Variants in KLF2 observed in about 807,000 individuals in gnomAD.
KLF2 encodes KLF transcription factor 2, also known as Krueppel-like factor 2.
A neutral mutation model predicts 22.2 loss-of-function variants in KLF2; 9 were observed. The observed-to-expected ratio is 0.40, with a 90% CI of 0.24 to 0.71. The LOEUF is 0.71. Ranked by LOEUF, KLF2 falls within the 30% of genes least tolerant of loss-of-function variation. KLF2 has a pLI of 0.35. For missense variants in KLF2, 481 were observed against 542.1 expected (o/e 0.89, Z 1.12); for synonymous variants, 299 against 264.2 (o/e 1.13, Z -1.28).
Position 16,326,022 on chromosome 19 carries a change from C to T in KLF2, c.882C>T (p.Arg294=), listed in dbSNP as rs901041465. ...TKSSHLKAHL[R]THTGEKPYHC... is the part of the protein sequence containing the mutation. ...GTTCGCATCTGAAGGCGCATCTGCG[C>T]ACGCACACAGGTGGGCGGCACGCAC... Residue 294 remains arginine, a synonymous_variant, in exon 2 of 3, where the codon CGC becomes CGT. Coordinates refer to ENST00000248071, the MANE Select transcript of KLF2 (RefSeq NM_016270.4). The T allele has an allele frequency of 3.2e-6, 5 of 1,549,560 alleles. No homozygotes were observed. Among genetic ancestry groups the T allele is most frequent in the Non-Finnish European group, 4.4e-6 (5 of 1,148,358 alleles).
At position 16,327,413 on chromosome 19, in the gene KLF2, A is replaced by C. The variant is rs2091893643; in HGVS notation, c.*382A>C. On this transcript the variant is annotated 3_prime_UTR_variant, in exon 3 of 3. Coordinates refer to ENST00000248071, the MANE Select transcript of KLF2 (RefSeq NM_016270.4). Reference sequence around the variant, plus strand: ...TAATATTGTATATAGTGACTGACAAATATTGTATTACTGTACATAGAGAGA... The same window carrying C: ...TAATATTGTATATAGTGACTGACAACTATTGTATTACTGTACATAGAGAGA... 1.7e-5 allele frequency: 3 copies of C among 173,384 alleles called. No individual in the cohort carries two copies. The South Asian group carries it at 4.5e-4, about 26-fold the overall frequency. The allele number at this position is 173,384 out of a possible 1,614,324, so 10.7% of individuals were successfully genotyped here. A position where few individuals can be genotyped will look rare whatever the true frequency, so the allele number is the denominator to read the frequency against.
At chr19:16,326,429 G>T (rs550298696) in intron 2 of KLF2, among the ~76,000 whole-genome samples, 19 of 152,194 alleles carry the variant, frequency 1.2e-4, no homozygotes, top group African/African-American at 4.3e-4. Context: ...GGCTCAGGTA[G>T]TTGGGGAGTA....
At position 16,327,774 on chromosome 19, in the gene KLF2, C is replaced by T. The variant is rs1230667298; in HGVS notation, c.*743C>T. ...GTTATTTTAAGGTTGTTCTTTGAGC[C>T]ATAAATTGCCTCTTTGCCCCACAGC... On this transcript the variant is annotated 3_prime_UTR_variant, in exon 3 of 3. Transcript: ENST00000248071. 1 of 151,800 alleles carries T rather than the reference C, an allele frequency of 6.6e-6. No homozygotes were observed. The highest frequency in any genetic ancestry group is 1.5e-5 in the Non-Finnish European group (1 of 67,970). The allele number at this position is 151,800 out of a possible 1,614,324, so 9.4% of individuals were successfully genotyped here.
Position 16,324,870 on chromosome 19 carries a change from G to C in KLF2, c.-54G>C, listed in dbSNP as rs934542805. On this transcript the variant is annotated 5_prime_UTR_variant, in exon 1 of 3. Coordinates refer to ENST00000248071, the MANE Select transcript of KLF2 (RefSeq NM_016270.4). ...CCCGCGCCCCGACCAGCCCGGCCTCGGGCAGCCACTCACCGGTGTCCCCGT... is the reference window on the plus strand; with the variant it reads ...CCCGCGCCCCGACCAGCCCGGCCTCCGGCAGCCACTCACCGGTGTCCCCGT... The C allele has an allele frequency of 1.0e-5, 15 of 1,461,212 alleles. No individual in the cohort carries two copies. The highest frequency in any genetic ancestry group is 1.3e-5 in the Non-Finnish European group (14 of 1,071,864). 90.5% of individuals were successfully genotyped at this position (1,461,212 alleles called of 1,614,324 possible).
At chr19:16,326,142 C>T (rs1348603334) in intron 2 of KLF2, 110 bp downstream of exon 2, 2 of 1,106,630 alleles carry the variant, frequency 1.8e-6, no homozygotes, top group East Asian at 3.1e-5. Flanking sequence ...GGGCGTGGCT[C>T]AGGGGGATCT....
In KLF2 at chr19:16,327,870, T is replaced by C. The variant is rs956645764; in HGVS notation, c.*839T>C. The stretch of plus-strand genomic sequence containing the variant: ...AAAAATAAAACTACTTACCTCTTCC[T>C]GGAAGCCTCTGAGGTTTTAGCCAAA... On this transcript the variant is annotated 3_prime_UTR_variant, in exon 3 of 3. Transcript: ENST00000248071. 1.3e-5 allele frequency: 2 copies of C among 151,890 alleles called. No homozygotes were observed. The highest frequency in any genetic ancestry group is 6.6e-5 in the Admixed American group (1 of 15,254). 9.4% of individuals were successfully genotyped at this position (151,890 alleles called of 1,614,324 possible). A position where few individuals can be genotyped will look rare whatever the true frequency, so the allele number is the denominator to read the frequency against.
chr19:16,326,157 G>A (rs940001438), intron 2 of KLF2, 125 bp downstream of exon 2: 23 of 956,280 alleles, frequency 2.4e-5, no homozygotes, highest in Non-Finnish European at 3.3e-5. Context: ...GGATCTGGCA[G>A]GTGGTGCACG....
At position 16,325,305 on chromosome 19, in the gene KLF2, C is replaced by T. The variant is rs982550376; in HGVS notation, c.165C>T (p.Gly55=). The change falls in exon 2 of 3, where the codon GGC becomes GGT. Residue 55 remains glycine (G), a synonymous_variant. Coordinates refer to ENST00000248071, the MANE Select transcript of KLF2 (RefSeq NM_016270.4). ...TCATCCTGTCCATGGGGCTGGATGG[C>T]CTGGGCGCCGAGGCCGCCCCGGAGC... The part of the protein sequence containing the change: ...LDFILSMGLD[G]LGAEAAPEPP... 8 of 1,499,400 alleles carry T rather than the reference C, an allele frequency of 5.3e-6. No individual in the cohort carries two copies. The African/African-American group carries it at 8.8e-5, about 16-fold the overall frequency. The allele number at this position is 1,499,400 out of a possible 1,614,324, so 92.9% of individuals were successfully genotyped here. A position where few individuals can be genotyped will look rare whatever the true frequency, so the allele number is the denominator to read the frequency against.
chr19:16,326,010 G>A lies in KLF2; in HGVS notation c.870G>A (p.Lys290=), dbSNP rs1004163821. 24 of 1,553,012 alleles carry A rather than the reference G, an allele frequency of 1.5e-5. No individual in the cohort carries two copies. The African/African-American group carries it at 2.7e-4, about 18-fold the overall frequency. The part of the protein sequence containing the change: ...GKTYTKSSHL[K]AHLRTHTGEK... ...CCTACACCAAGAGTTCGCATCTGAA[G>A]GCGCATCTGCGCACGCACACAGGTG... Residue 290 remains lysine, a synonymous_variant, in exon 2 of 3, where the codon AAG becomes AAA. Coordinates refer to ENST00000248071, the MANE Select transcript of KLF2 (RefSeq NM_016270.4).
chr19:16,325,891 G>A lies in KLF2; in HGVS notation c.751G>A (p.Glu251Lys). 4.0e-6 allele frequency: 6 copies of A among 1,493,018 alleles called. No individual in the cohort carries two copies. Among genetic ancestry groups the A allele is most frequent in the Non-Finnish European group, 5.3e-6 (6 of 1,127,256 alleles). The allele number at this position is 1,493,018 out of a possible 1,614,324, so 92.5% of individuals were successfully genotyped here. Residue 251 changes from glutamate (E) to lysine (K), a missense_variant, in exon 2 of 3, where the codon GAG becomes AAG. By Grantham distance (56) the Glu-to-Lys change is moderately conservative. Around this residue, in one of 2 missense-constraint regions of KLF2, gnomAD observed 421 missense variants for 435.1 expected, o/e 0.97. Transcript: ENST00000248071. ...GLLTPPASPL[E>K]LLEAKPKRGR... ...CCTCACGCCGCCTGCGTCCCCGCTG[G>A]AGCTGCTGGAGGCCAAGCCAAAGCG...
At position 16,325,480 on chromosome 19, in the gene KLF2, C is replaced by A; in HGVS notation, c.340C>A (p.Leu114Met). 7.3e-7 allele frequency: 1 copy of A among 1,363,170 alleles called. No homozygotes were observed. Among genetic ancestry groups the A allele is most frequent in the South Asian group, 1.7e-5 (1 of 59,744 alleles). The allele number at this position is 1,363,170 out of a possible 1,614,324, so 84.4% of individuals were successfully genotyped here. Residue 114 changes from leucine (L) to methionine (M), a missense_variant, in exon 2 of 3, where the codon CTG becomes ATG. By Grantham distance (15) the Leu-to-Met change is conservative. Transcript: ENST00000248071. ...GCCCGCACTGCACGGCCGCTTTCTG[C>A]TGGCGCCGCCCGGCCGCCTGGTCAA... The part of the protein sequence containing the change: ...LGPALHGRFL[L>M]APPGRLVKAE...
rs1345400859 is a variant in KLF2 at position 16,327,770 on chromosome 19, G to A, written c.*739G>A. 6.6e-6 allele frequency: 1 copy of A among 151,702 alleles called. No individual in the cohort carries two copies. Among genetic ancestry groups the A allele is most frequent in the Non-Finnish European group, 1.5e-5 (1 of 67,946 alleles). 9.4% of individuals were successfully genotyped at this position (151,702 alleles called of 1,614,324 possible). A position where few individuals can be genotyped will look rare whatever the true frequency, so the allele number is the denominator to read the frequency against. On this transcript the variant is annotated 3_prime_UTR_variant, in exon 3 of 3. Coordinates refer to ENST00000248071, the MANE Select transcript of KLF2 (RefSeq NM_016270.4). ...GAGGGTTATTTTAAGGTTGTTCTTT[G>A]AGCCATAAATTGCCTCTTTGCCCCA...
rs2091893335 is a variant in KLF2 at position 16,327,294 on chromosome 19, CTTCT to C, written c.*264_*267del. On this transcript the variant is annotated 3_prime_UTR_variant, in exon 3 of 3. Transcript: ENST00000248071. ...AATGGTGCAATAATTTAAGTGGCAT[CTTCT>C]CTCCCACCGGGTCTACACTAGAGGA... is the stretch of plus-strand genomic sequence containing the variant. 2 of 290,654 alleles carry C rather than the reference CTTCT, an allele frequency of 6.9e-6. No homozygotes were observed. Among genetic ancestry groups the C allele is most frequent in the Non-Finnish European group, 1.2e-5 (2 of 164,442 alleles). The allele number at this position is 290,654 out of a possible 1,614,324, so 18.0% of individuals were successfully genotyped here.
Position 16,325,487 on chromosome 19 carries a change from C to A in KLF2, c.347C>A (p.Pro116Gln). 7.4e-6 allele frequency: 10 copies of A among 1,355,506 alleles called. No homozygotes were observed. The highest frequency in any genetic ancestry group is 9.4e-6 in the Non-Finnish European group (10 of 1,058,344). The allele number at this position is 1,355,506 out of a possible 1,614,324, so 84.0% of individuals were successfully genotyped here. A position where few individuals can be genotyped will look rare whatever the true frequency, so the allele number is the denominator to read the frequency against. The change falls in exon 2 of 3, where the codon CCG becomes CAG. Residue 116 changes from proline to glutamine, a missense_variant. By Grantham distance (76) the Pro-to-Gln change is moderately conservative. Transcript: ENST00000248071. ...CTGCACGGCCGCTTTCTGCTGGCGC[C>A]GCCCGGCCGCCTGGTCAAGGCCGAG... ...PALHGRFLLA[P>Q]PGRLVKAEPP...
chr19:16,324,992 G>C lies in KLF2; in HGVS notation c.69G>C (p.Leu23=). The C allele has an allele frequency of 2.5e-6, 4 of 1,597,242 alleles. No individual in the cohort carries two copies. Among genetic ancestry groups the C allele is most frequent in the Non-Finnish European group, 3.4e-6 (4 of 1,173,314 alleles). ...CCAGCCCGTGCCGCGAGCGCGGCCTGCAGGAGGTGAGGGCGGCGGGGACGG... is the reference window on the plus strand; with the variant it reads ...CCAGCCCGTGCCGCGAGCGCGGCCTCCAGGAGGTGAGGGCGGCGGGGACGG... ...TFASPCRERG[L]QERWPRAEPE... Residue 23 remains leucine, a synonymous_variant, in exon 1 of 3, where the codon CTG becomes CTC. Coordinates refer to ENST00000248071, the MANE Select transcript of KLF2 (RefSeq NM_016270.4).
Position 16,325,702 on chromosome 19 carries a change from G to A in KLF2, c.562G>A (p.Gly188Ser), listed in dbSNP as rs1403651403. Residue 188 changes from glycine to serine, a missense_variant, in exon 2 of 3, where the codon GGT becomes AGT. Physicochemically the swap from Gly to Ser is moderately conservative, Grantham distance 56 (BLOSUM62 0). Transcript: ENST00000248071. ...PDGPARLPAP[G>S]PRASFPPPFG... Reference sequence around the variant, plus strand: ...CGGCCCCGCGCGCCTGCCCGCGCCCGGTCCGCGCGCCTCCTTCCCGCCGCC... The same window carrying A: ...CGGCCCCGCGCGCCTGCCCGCGCCCAGTCCGCGCGCCTCCTTCCCGCCGCC... The A allele has an allele frequency of 2.8e-5, 33 of 1,160,612 alleles. No individual in the cohort carries two copies. The East Asian group carries it at 1.3e-3, about 46-fold the overall frequency. The allele number at this position is 1,160,612 out of a possible 1,614,324, so 71.9% of individuals were successfully genotyped here.
At chr19:16,325,123 G>C in intron 1 of KLF2, 93 bp from the exon 2 acceptor site, 1 of 1,315,712 alleles carries the variant, frequency 7.6e-7, no homozygotes, top group South Asian at 1.4e-5. Context: ...GGAGGATGCG[G>C]GCCACGGGGA....
rs769333048 is a variant in KLF2, at chr19:16,326,841, GC to G, written c.893-10del. On this transcript the variant is annotated splice_polypyrimidine_tract_variant and intron_variant, in intron 2 of 2. Coordinates refer to ENST00000248071, the MANE Select transcript of KLF2 (RefSeq NM_016270.4). ...GGGAGGGGAACTGACGCTTACTCTC[GC>G]CCCCTCCCTGCAGGTGAGAAGCCCT... The G allele has an allele frequency of 1.3e-5, 21 of 1,601,978 alleles. No individual in the cohort carries two copies. Among genetic ancestry groups the G allele is most frequent in the Admixed American group, 1.2e-4 (7 of 59,808 alleles).
Position 16,324,933 on chromosome 19 carries a change from A to G in KLF2, c.10A>G (p.Ser4Gly). The change falls in exon 1 of 3, where the codon AGT (serine) becomes GGT (glycine). Residue 4 changes from serine to glycine, a missense_variant. By Grantham distance (56) the Ser-to-Gly change is moderately conservative (BLOSUM62 0). Around this residue, in one of 2 missense-constraint regions of KLF2, gnomAD observed 421 missense variants for 435.1 expected, o/e 0.97. Coordinates refer to ENST00000248071, the MANE Select transcript of KLF2 (RefSeq NM_016270.4). ...TCCCCGGGTCCCGGCCATGGCGCTG[A>G]GTGAACCCATCCTGCCGTCCTTCTC... is the stretch of plus-strand genomic sequence containing the variant. MALSEPILPSFSTF... is the reference protein window; with the variant it reads MALGEPILPSFSTF... 1 of 1,600,120 alleles carries G rather than the reference A, an allele frequency of 6.2e-7. No individual in the cohort carries two copies. The highest frequency in any genetic ancestry group is 8.5e-7 in the Non-Finnish European group (1 of 1,174,224).
Sources: gnomAD v4.1 joint callset for allele counts (sites outside exome capture counted in the v4.1 genomes callset) on GRCh38, gnomAD v4.1.1 for gene constraint, gnomAD v4.1.1 regional missense constraint, MANE v1.5 for transcripts, NCBI Gene and HGNC (gene_info 2026-07-23, HGNC 2026-07-21) for gene names.